ITIH5: variants seen among roughly 807,000 people sequenced by gnomAD.
ITIH5 encodes the protein inter-alpha-trypsin inhibitor heavy chain H5.
A neutral mutation model predicts 77.5 loss-of-function variants in ITIH5; 65 were observed. That is an observed-to-expected ratio of 0.84 (90% CI 0.69 to 1.03). ITIH5 has a LOEUF of 1.03. Among genes scored for constraint, ITIH5 ranks in the 50% least tolerant of loss-of-function variants. ITIH5 has a pLI of 0.00. For missense variants in ITIH5, 1,208 were observed against 1,213.1 expected (o/e 1.00, Z 0.06); for synonymous variants, 525 against 494.3 (o/e 1.06, Z -0.82).
chr10:7,666,773 C>T, intron 1 of ITIH5, 30 bp downstream of exon 1: 1 of 1,581,038 alleles, frequency 6.3e-7, no homozygotes. Context: ...CGGCCGCGCC[C>T]GGGACCCGGC....
intron 11 of ITIH5, among the ~76,000 whole-genome samples, chr10:7,570,917 G>A (rs1007540395): frequency 6.6e-6 from 1 of 152,084 alleles, no homozygotes; most frequent in South Asian, 2.1e-4. Flanking sequence ...CCACCACACC[G>A]GCCTACAACT....
Position 7,666,876 on chromosome 10 carries a change from C to G in ITIH5, c.17G>C (p.Gly6Ala). 6.3e-7 allele frequency: 1 copy of G among 1,595,694 alleles called. No homozygotes were observed. The highest frequency in any genetic ancestry group is 8.5e-7 in the Non-Finnish European group (1 of 1,172,808). The change falls in exon 1 of 14, where the codon GGG becomes GCG. Residue 6 changes from glycine to alanine, a missense_variant. Transcript: ENST00000397146. ...ACACAGGGACAGCCCCAGGCACAGCCCCAGCAGCAGGAGCATGGCGGGGCG... is the reference window on the plus strand; with the variant it reads ...ACACAGGGACAGCCCCAGGCACAGCGCCAGCAGCAGGAGCATGGCGGGGCG... Reference protein sequence around the residue: MLLLLGLCLGLSLCVG... With the variant: MLLLLALCLGLSLCVG...
At chr10:7,604,388 A>T (rs931199367) in intron 7 of ITIH5, among the ~76,000 whole-genome samples, 2 of 152,182 alleles carry the variant, frequency 1.3e-5, no homozygotes, top group Admixed American at 6.5e-5. Context: ...CTGTTCCCAC[A>T]GGGTCATGAA....
In ITIH5 at chr10:7,561,843, G is replaced by A. The variant is rs1425992182; in HGVS notation, c.*1240C>T. On this transcript the variant is annotated 3_prime_UTR_variant, in exon 14 of 14. Coordinates refer to ENST00000397146, the MANE Select transcript of ITIH5 (RefSeq NM_030569.7). ...AGAGCCTTGAACTCTGGCCTGCATCGAAGCATTCCACTTCCCCGACCACAG... is the reference window on the plus strand; with the variant it reads ...AGAGCCTTGAACTCTGGCCTGCATCAAAGCATTCCACTTCCCCGACCACAG... The A allele has an allele frequency of 1.3e-5, 2 of 152,180 alleles. No homozygotes were observed. Among genetic ancestry groups the A allele is most frequent in the Admixed American group, 6.5e-5 (1 of 15,276 alleles). The allele number at this position is 152,180 out of a possible 1,614,324, so 9.4% of individuals were successfully genotyped here.
chr10:7,629,249 CCATGTTGTAGCGTGTGT>C, intron 5 of ITIH5, among the ~76,000 whole-genome samples: 4 of 118,006 alleles, frequency 3.4e-5, no homozygotes, highest in African/African-American at 6.3e-5. Flanking sequence ...TAGCGTGTGT[CCATGTTGTAGCGTGTGT>C]CCATGTTGTA....
intron 3 of ITIH5, 44 bp from the exon 4 acceptor site, chr10:7,640,899 G>T: frequency 8.4e-7 from 1 of 1,186,342 alleles, no homozygotes. Flanking sequence ...GCAGTTCCAA[G>T]ACAAATTCAG....
At chr10:7,666,563 G>C (rs1007774836) in intron 1 of ITIH5, among the ~76,000 whole-genome samples, 2 of 152,322 alleles carry the variant, frequency 1.3e-5, no homozygotes, top group East Asian at 3.9e-4. Context: ...GAGCCAAGAA[G>C]AAAAACTCGG....
At chr10:7,633,982 G>C (rs1160299916) in intron 5 of ITIH5, among the ~76,000 whole-genome samples, 2 of 151,624 alleles carry the variant, frequency 1.3e-5, no homozygotes, top group African/African-American at 2.4e-5. Flanking sequence ...CCAGCTGCTC[G>C]GGAGGCTGAG....
At chr10:7,650,458 G>A (rs898732093) in intron 2 of ITIH5, among the ~76,000 whole-genome samples, 6 of 152,144 alleles carry the variant, frequency 3.9e-5, no homozygotes, top group South Asian at 2.1e-4. Flanking sequence ...ATACAGGGCC[G>A]GGCGTGGTGG....
intron 9 of ITIH5, among the ~76,000 whole-genome samples, chr10:7,579,403 T>C (rs1213928491): frequency 3.3e-5 from 5 of 152,086 alleles, no homozygotes; most frequent in Non-Finnish European, 5.9e-5. Flanking sequence ...TGTGTGACTG[T>C]AGTCCCAGCT....
chr10:7,596,612 C>T (rs181041145), intron 7 of ITIH5, among the ~76,000 whole-genome samples: 87 of 152,268 alleles, frequency 5.7e-4, no homozygotes, highest in Middle Eastern at 6.8e-3. Flanking sequence ...ACAATGATCA[C>T]GCTGTTCTCC....
At chr10:7,591,122 C>T (rs1208425560) in intron 7 of ITIH5, among the ~76,000 whole-genome samples, 6 of 152,210 alleles carry the variant, frequency 3.9e-5, no homozygotes, top group African/African-American at 1.4e-4. Flanking sequence ...GTCTCAATCT[C>T]CTGACCTCAT....
rs1011886644 is a variant in ITIH5 at position 7,579,641 on chromosome 10, T to C, written c.1418+114A>G. The C allele has an allele frequency of 9.6e-6, 10 of 1,039,492 alleles. No individual in the cohort carries two copies. In the African/African-American group the frequency reaches 1.4e-4, roughly 15 times the overall value. The allele number at this position is 1,039,492 out of a possible 1,614,324, so 64.4% of individuals were successfully genotyped here. A position where few individuals can be genotyped will look rare whatever the true frequency, so the allele number is the denominator to read the frequency against. On this transcript the variant is annotated intron_variant, in intron 9 of 13. Transcript: ENST00000397146. ...CTCCCATTGCAATGAGCTATGATCGTTGTCAGCAGATGCAAGGCTGGGGTG... is the reference window on the plus strand; with the variant it reads ...CTCCCATTGCAATGAGCTATGATCGCTGTCAGCAGATGCAAGGCTGGGGTG...
At chr10:7,575,861 TTTA>T (rs200381176) in intron 10 of ITIH5, among the ~76,000 whole-genome samples, 1,628 of 152,326 alleles carry the variant, frequency 0.011, 30 homozygotes, top group African/African-American at 0.038. Context: ...AAGCACTCAG[TTTA>T]TTGATGCTTT....
chr10:7,575,564 C>T (rs558267717), intron 10 of ITIH5, among the ~76,000 whole-genome samples: 3 of 152,294 alleles, frequency 2.0e-5, no homozygotes, highest in East Asian at 3.9e-4. Flanking sequence ...TTTGGTTTCA[C>T]TGTGTTTCCT....
chr10:7,594,407 A>G (rs1832854648), intron 7 of ITIH5, among the ~76,000 whole-genome samples: 1 of 152,168 alleles, frequency 6.6e-6, no homozygotes, highest in Non-Finnish European at 1.5e-5. Context: ...GGGGCCTTCC[A>G]TGCTAGAAAG....
At chr10:7,585,356 A>G (rs979923473) in intron 8 of ITIH5, among the ~76,000 whole-genome samples, 6 of 152,096 alleles carry the variant, frequency 3.9e-5, no homozygotes, top group Non-Finnish European at 7.3e-5. Context: ...CTGCACCCTT[A>G]CCTGGGCAAC....
At chr10:7,606,254 A>G (rs1316932103) in intron 7 of ITIH5, among the ~76,000 whole-genome samples, 1 of 152,234 alleles carries the variant, frequency 6.6e-6, no homozygotes. Flanking sequence ...ATTATTGGGT[A>G]TATACCCAAA....
At chr10:7,645,452 G>A (rs1256387046) in intron 2 of ITIH5, among the ~76,000 whole-genome samples, 2 of 152,128 alleles carry the variant, frequency 1.3e-5, no homozygotes, top group Non-Finnish European at 2.9e-5. Flanking sequence ...TCAGAGGGTG[G>A]CCCAGCAAGC....
Sources: gnomAD v4.1 joint callset for allele counts (sites outside exome capture counted in the v4.1 genomes callset) on GRCh38, gnomAD v4.1.1 for gene constraint, MANE v1.5 for transcripts, NCBI Gene and HGNC (gene_info 2026-07-23, HGNC 2026-07-21) for gene names.